The following C20orf203 variants were observed in gnomAD, a reference collection of about 807,000 sequenced individuals.
C20orf203 encodes chromosome 20 open reading frame 203, also known as uncharacterized protein C20orf203.
In C20orf203, 16 loss-of-function variants were observed where a neutral mutation model predicts 15.9. The observed-to-expected ratio is 1.01, with a 90% confidence interval of 0.68 to 1.53. The LOEUF (loss-of-function observed/expected upper bound fraction) is 1.53. Ranked by LOEUF, C20orf203 falls within the 40% of genes most tolerant of loss-of-function variation. C20orf203 has a pLI of 0.00. For missense variants in C20orf203, 263 were observed against 247.5 expected, an observed-to-expected ratio of 1.06 and a Z score of -0.42; for synonymous variants, 98 against 97.2, an observed-to-expected ratio of 1.01 and a Z score of -0.05.
rs368126658 is a variant in C20orf203 at position 32,666,869 on chromosome 20, G to A, written c.-264+6763C>T. On this transcript the variant is annotated intron_variant, in intron 1 of 5. Coordinates refer to ENST00000608990, the MANE Select transcript of C20orf203 (RefSeq NM_182584.4). ...GAGATGGGGTCTTCCTTTGTTGCCCGAACTCCTGGCCTCAAGCAATCCTCC... is the reference window on the plus strand; with the variant it reads ...GAGATGGGGTCTTCCTTTGTTGCCCAAACTCCTGGCCTCAAGCAATCCTCC... Among the ~76,000 whole-genome samples the A allele has an allele frequency of 9.8e-4, 131 of 133,528 alleles. 2 individuals are homozygous for A. In the South Asian group the frequency reaches 0.026, roughly 27 times the overall value. The allele number at this position is 133,528 out of a possible 152,430, so 87.6% of individuals were successfully genotyped here. A position where few individuals can be genotyped will look rare whatever the true frequency, so the allele number is the denominator to read the frequency against.
chr20:32,659,352 G>A (rs34894833), intron 1 of C20orf203, among the ~76,000 whole-genome samples: 21,559 of 152,248 alleles, frequency 0.14, 1,750 homozygotes, highest in East Asian at 0.29. Flanking sequence ...GCTAGGGGCA[G>A]GTTCTCATCC....
At position 32,650,236 on chromosome 20, in the gene C20orf203, C is replaced by T; in HGVS notation, c.*196G>A. On this transcript the variant is annotated 3_prime_UTR_variant, in exon 4 of 6. Transcript: ENST00000608990. The stretch of plus-strand genomic sequence containing the variant: ...GCCTGGCACAGCCTCGGTCCCTAAT[C>T]ATGTTTGCTGAATGCCTTGAATACA... 1 of 587,716 alleles carries T rather than the reference C, an allele frequency of 1.7e-6. No homozygotes were observed. The highest frequency in any genetic ancestry group is 3.0e-6 in the Non-Finnish European group (1 of 330,142). The allele number at this position is 587,716 out of a possible 1,614,324, so 36.4% of individuals were successfully genotyped here.
In C20orf203 at chr20:32,639,980, C is replaced by T. The variant is rs772400973; in HGVS notation, c.*1299+586G>A. 5.3e-5 allele frequency among the ~76,000 whole-genome samples: 8 copies of T among 152,284 alleles called. No homozygotes were observed. In the South Asian group the frequency reaches 8.3e-4, roughly 16 times the overall value. Reference sequence around the variant, plus strand: ...GGCGGCCTGCTTCCTTTCATTCTCACGACTTCCTGTGGAGGTGGGTCCTCG... The same window carrying T: ...GGCGGCCTGCTTCCTTTCATTCTCATGACTTCCTGTGGAGGTGGGTCCTCG... On this transcript the variant is annotated intron_variant, in intron 5 of 5. Coordinates refer to ENST00000608990, the MANE Select transcript of C20orf203 (RefSeq NM_182584.4).
At chr20:32,634,455 C>T (rs567560696) in intron 5 of C20orf203, among the ~76,000 whole-genome samples, 185 bp from the exon 6 acceptor site, 8 of 152,202 alleles carry the variant, frequency 5.3e-5, no homozygotes, top group Admixed American at 2.6e-4. Context: ...AGCACCCTCC[C>T]GAGTACCTAG....
intron 1 of C20orf203, among the ~76,000 whole-genome samples, chr20:32,660,042 T>C (rs969914136): frequency 3.3e-5 from 5 of 152,306 alleles, no homozygotes; most frequent in Middle Eastern, 3.4e-3. Flanking sequence ...AGCAGATCTA[T>C]AAGTCTTCAT....
intron 1 of C20orf203, among the ~76,000 whole-genome samples, chr20:32,652,398 G>T (rs1461604695): frequency 6.6e-6 from 1 of 151,804 alleles, no homozygotes; most frequent in Admixed American, 6.6e-5. Flanking sequence ...CATGCAAAGG[G>T]GCTGGGGTGA....
chr20:32,653,049 TC>T (rs1166058902), intron 1 of C20orf203, among the ~76,000 whole-genome samples: 2 of 152,094 alleles, frequency 1.3e-5, no homozygotes, highest in East Asian at 3.9e-4. Flanking sequence ...GCTCTCAGCC[TC>T]CCCAGGGCAC....
rs1277564659 is a variant in C20orf203 at position 32,632,467 on chromosome 20, C to G, written c.*3103G>C. On this transcript the variant is annotated 3_prime_UTR_variant, in exon 6 of 6. Coordinates refer to ENST00000608990, the MANE Select transcript of C20orf203 (RefSeq NM_182584.4). Reference sequence around the variant, plus strand: ...AAGTCTTTTCTCCTCAGCCCCCAGTCCCCGCCCGGGAGAACCCATGTGCGC... The same window carrying G: ...AAGTCTTTTCTCCTCAGCCCCCAGTGCCCGCCCGGGAGAACCCATGTGCGC... The G allele has an allele frequency of 6.6e-6, 1 of 152,182 alleles. No individual in the cohort carries two copies. Among genetic ancestry groups the G allele is most frequent in the African/African-American group, 2.4e-5 (1 of 41,448 alleles). 9.4% of individuals were successfully genotyped at this position (152,182 alleles called of 1,614,324 possible).
chr20:32,650,806 C>T lies in C20orf203; in HGVS notation c.211G>A (p.Ala71Thr), dbSNP rs1362683827. 4.0e-6 allele frequency: 6 copies of T among 1,487,032 alleles called. No homozygotes were observed. The highest frequency in any genetic ancestry group is 2.3e-5 in the Admixed American group (1 of 43,146). 92.1% of individuals were successfully genotyped at this position (1,487,032 alleles called of 1,614,324 possible). The change falls in exon 4 of 6, where the codon GCT becomes ACT. Residue 71 changes from alanine (A) to threonine (T), a missense_variant. Ala to Thr is a moderately conservative substitution (Grantham distance 58). Coordinates refer to ENST00000608990, the MANE Select transcript of C20orf203 (RefSeq NM_182584.4). ...CTGGGCTGGGGGTGGACTCGCTGAG[C>T]CTTTGAGGTCCTCCTTCCCGCCCCA... ...GGGAGRRTSK[A>T]QRVHPQPSHQ...
At chr20:32,672,621 G>A (rs1445543261) in intron 1 of C20orf203, among the ~76,000 whole-genome samples, 2 of 151,586 alleles carry the variant, frequency 1.3e-5, no homozygotes, top group African/African-American at 4.8e-5. Flanking sequence ...AGTTTTGTGG[G>A]AAAAACCAAG....
chr20:32,666,797 T>TTATATA (rs34933326), intron 1 of C20orf203, among the ~76,000 whole-genome samples: 780 of 65,540 alleles, frequency 0.012, 35 homozygotes, highest in African/African-American at 0.029. Context: ...TAATTTTAAT[T>TTATATA]TATATATATA....
chr20:32,668,837 T>G (rs1983096970), intron 1 of C20orf203, among the ~76,000 whole-genome samples: 2 of 151,804 alleles, frequency 1.3e-5, no homozygotes, highest in Admixed American at 1.3e-4. Flanking sequence ...AATAAATGAA[T>G]AAATGTTTAA....
At chr20:32,664,647 G>C (rs867715095) in intron 1 of C20orf203, among the ~76,000 whole-genome samples, 4 of 152,328 alleles carry the variant, frequency 2.6e-5, no homozygotes, top group Middle Eastern at 3.4e-3. Flanking sequence ...GAGAAGAGAG[G>C]ACCAGGCAGT....
chr20:32,648,067 C>G (rs1388608811), intron 4 of C20orf203, among the ~76,000 whole-genome samples: 1 of 152,222 alleles, frequency 6.6e-6, no homozygotes, highest in Non-Finnish European at 1.5e-5. Context: ...TAACAGAGAT[C>G]TGCTACTTGG....
At chr20:32,654,145 T>C (rs975064060) in intron 1 of C20orf203, among the ~76,000 whole-genome samples, 16 of 151,866 alleles carry the variant, frequency 1.1e-4, no homozygotes, top group African/African-American at 3.9e-4. Context: ...ATAATTGGGT[T>C]TGGCAAAGTT....
chr20:32,672,441 C>T (rs1251130323), intron 1 of C20orf203, among the ~76,000 whole-genome samples: 2 of 151,564 alleles, frequency 1.3e-5, no homozygotes, highest in Non-Finnish European at 2.9e-5. Context: ...GGTGTGGTGG[C>T]GCATGCCTGT....
rs1982561667 is a variant in C20orf203, at chr20:32,650,106, G to A, written c.*326C>T. The A allele has an allele frequency of 6.6e-6, 2 of 304,520 alleles. No individual in the cohort carries two copies. Among genetic ancestry groups the A allele is most frequent in the Non-Finnish European group, 1.2e-5 (2 of 161,510 alleles). 18.9% of individuals were successfully genotyped at this position (304,520 alleles called of 1,614,324 possible). A position where few individuals can be genotyped will look rare whatever the true frequency, so the allele number is the denominator to read the frequency against. ...CCTCCTCCCAGCACTCAGGGACCAA[G>A]CCAGAGAGATGTGCCAGCGCCTCCC... On this transcript the variant is annotated 3_prime_UTR_variant, in exon 4 of 6. Transcript: ENST00000608990.
chr20:32,670,365 G>T (rs567395146), intron 1 of C20orf203, among the ~76,000 whole-genome samples: 1 of 151,762 alleles, frequency 6.6e-6, no homozygotes, highest in East Asian at 1.9e-4. Context: ...AATTAGCCAG[G>T]TGTGGTGGCA....
At chr20:32,646,310 A>G (rs1982431459) in intron 4 of C20orf203, among the ~76,000 whole-genome samples, 1 of 151,484 alleles carries the variant, frequency 6.6e-6, no homozygotes, top group Non-Finnish European at 1.5e-5. Context: ...GGTTCAAGCG[A>G]TTCTCCCACC....
Sources: allele counts gnomAD v4.1 joint callset (sites outside exome capture counted in the v4.1 genomes callset), GRCh38; gene constraint gnomAD v4.1.1; transcripts MANE v1.5; gene names NCBI Gene and HGNC (gene_info 2026-07-23, HGNC 2026-07-21).